Variants in TUSC3 observed in about 807,000 individuals in gnomAD.
TUSC3 encodes the protein tumor suppressor candidate 3, also known as dolichyl-diphosphooligosaccharide--protein glycosyltransferase subunit TUSC3.
TUSC3 carries 45 observed loss-of-function variants against 44.8 expected under a neutral mutation model. That is an observed-to-expected ratio of 1.00 (90% CI 0.79 to 1.29). TUSC3 has a LOEUF of 1.29. TUSC3 is among the 50% of genes most tolerant of loss of function. The pLI is 0.00. For synonymous variants in TUSC3, 212 were observed against 152.9 expected, an observed-to-expected ratio of 1.39 and a Z score of -2.85; for missense variants, 519 against 437.9, an observed-to-expected ratio of 1.19 and a Z score of -1.65.
chr8:15,743,726 G>T lies in TUSC3; in HGVS notation c.937+114G>T, dbSNP rs940041504. 27 of 1,178,792 alleles carry T rather than the reference G, an allele frequency of 2.3e-5. No individual in the cohort carries two copies. In the Admixed American group the frequency reaches 4.2e-4, roughly 18 times the overall value. The allele number at this position is 1,178,792 out of a possible 1,614,324, so 73.0% of individuals were successfully genotyped here. A position where few individuals can be genotyped will look rare whatever the true frequency, so the allele number is the denominator to read the frequency against. ...AACAAACTTCTAAAGAAATGTTCTG[G>T]TTTGAAGAAGATTTTAACTTTTTTC... is the stretch of plus-strand genomic sequence containing the variant. On this transcript the variant is annotated intron_variant, in intron 8 of 10. Transcript: ENST00000503731.
intron 1 of TUSC3, among the ~76,000 whole-genome samples, chr8:15,561,450 TC>T (rs1180872539): frequency 3.6e-5 from 5 of 138,102 alleles, no homozygotes; most frequent in Non-Finnish European, 6.4e-5. Flanking sequence ...GTTACTGCTG[TC>T]CTTTTGTTTG....
At chr8:15,658,823 T>C (rs1326641494) in intron 3 of TUSC3, among the ~76,000 whole-genome samples, 1 of 152,104 alleles carries the variant, frequency 6.6e-6, no homozygotes, top group Non-Finnish European at 1.5e-5. Flanking sequence ...GTGTTCTGTT[T>C]AGTATACTTT....
chr8:15,787,610 A>G, the TUSC3 span, among the ~76,000 whole-genome samples: 1 of 152,220 alleles, frequency 6.6e-6, no homozygotes, highest in Admixed American at 6.5e-5. Context: ...TCTTATTTCT[A>G]TGATATATGG....
chr8:15,755,823 A>T (rs1478665399), intron 9 of TUSC3, among the ~76,000 whole-genome samples: 1 of 152,132 alleles, frequency 6.6e-6, no homozygotes, highest in Non-Finnish European at 1.5e-5. Flanking sequence ...ATATTACATG[A>T]ACTTTAGTGC....
intron 2 of TUSC3, among the ~76,000 whole-genome samples, chr8:15,491,520 A>C (rs1310579952): frequency 6.6e-6 from 1 of 152,176 alleles, no homozygotes; most frequent in Non-Finnish European, 1.5e-5. Context: ...GGCATGAAGA[A>C]ATTTCTAGTC....
chr8:15,757,157 A>G (rs991785578), intron 9 of TUSC3, among the ~76,000 whole-genome samples: 7 of 152,156 alleles, frequency 4.6e-5, no homozygotes, highest in African/African-American at 1.7e-4. Flanking sequence ...CGTTCTTAAA[A>G]AAGAGGTATC....
intron 1 of TUSC3, among the ~76,000 whole-genome samples, chr8:15,614,554 G>C (rs561005870): frequency 1.3e-5 from 2 of 152,196 alleles, no homozygotes; most frequent in African/African-American, 4.8e-5. Context: ...TGTGTGGTCT[G>C]TTATGTCTGG....
At chr8:15,471,619 A>AT (rs35294089) in intron 1 of TUSC3, among the ~76,000 whole-genome samples, 18,620 of 142,722 alleles carry the variant, frequency 0.13, 1,241 homozygotes, top group South Asian at 0.27. Flanking sequence ...TCCAGTTCTG[A>AT]TTTTTTTTTT....
chr8:15,676,625 A>G (rs907591221), intron 6 of TUSC3, among the ~76,000 whole-genome samples: 1 of 152,150 alleles, frequency 6.6e-6, no homozygotes, highest in African/African-American at 2.4e-5. Flanking sequence ...GTCTGGATAC[A>G]TTTTAGATTG....
At chr8:15,497,613 C>T (rs774714332) in intron 2 of TUSC3, among the ~76,000 whole-genome samples, 13 of 152,030 alleles carry the variant, frequency 8.6e-5, no homozygotes, top group South Asian at 4.1e-4. Context: ...TTAGAGAATA[C>T]GAATATAGAC....
chr8:15,790,098 C>T, the TUSC3 span, among the ~76,000 whole-genome samples: 88 of 151,076 alleles, frequency 5.8e-4, no homozygotes, highest in African/African-American at 1.9e-3. Flanking sequence ...CAGGTTATTC[C>T]GAAATCTCTA....
chr8:15,487,575 G>C (rs1388556870), intron 2 of TUSC3, among the ~76,000 whole-genome samples: 1 of 152,170 alleles, frequency 6.6e-6, no homozygotes, highest in Non-Finnish European at 1.5e-5. Flanking sequence ...TAAACATTTA[G>C]AGAAAATATT....
intron 10 of TUSC3, among the ~76,000 whole-genome samples, chr8:15,759,958 G>A (rs1208734883): frequency 6.6e-6 from 1 of 151,890 alleles, no homozygotes; most frequent in African/African-American, 2.4e-5. Flanking sequence ...ATGTTATTTG[G>A]CCTACATTAC....
the TUSC3 span, among the ~76,000 whole-genome samples, chr8:15,847,238 A>C: frequency 6.6e-6 from 1 of 152,142 alleles, no homozygotes. Context: ...GACAGAAGAA[A>C]GAACAGGGAA....
intron 1 of TUSC3, among the ~76,000 whole-genome samples, chr8:15,461,273 T>G (rs953385942): frequency 6.6e-6 from 1 of 152,084 alleles, no homozygotes; most frequent in Non-Finnish European, 1.5e-5. Flanking sequence ...AGTGTTTTGT[T>G]TGTTTGTTTG....
the TUSC3 span, among the ~76,000 whole-genome samples, chr8:15,838,216 C>T: frequency 0.16 from 24,712 of 152,084 alleles, 2,181 homozygotes; most frequent in Admixed American, 0.28. Flanking sequence ...TGGTTTAGCA[C>T]CTCCGGATAT....
At chr8:15,719,920 G>T (rs928715565) in intron 6 of TUSC3, among the ~76,000 whole-genome samples, 2 of 151,954 alleles carry the variant, frequency 1.3e-5, no homozygotes, top group South Asian at 4.1e-4. Context: ...TGCTATAAAG[G>T]TTTGTGTTTG....
intron 5 of TUSC3, among the ~76,000 whole-genome samples, chr8:15,670,935 A>C (rs1020649973): frequency 6.6e-6 from 1 of 151,932 alleles, no homozygotes; most frequent in Non-Finnish European, 1.5e-5. Context: ...AAGGTATTCA[A>C]CCTTATTAAT....
At chr8:15,516,954 C>A (rs965562679) in intron 2 of TUSC3, among the ~76,000 whole-genome samples, 7 of 152,050 alleles carry the variant, frequency 4.6e-5, no homozygotes, top group African/African-American at 1.7e-4. Flanking sequence ...GAATTGAATA[C>A]TGTGTAAAAA....
Sources: gnomAD v4.1 joint callset for allele counts (sites outside exome capture counted in the v4.1 genomes callset) on GRCh38, gnomAD v4.1.1 for gene constraint, MANE v1.5 for transcripts, NCBI Gene and HGNC (gene_info 2026-07-23, HGNC 2026-07-21) for gene names.